Variants in SPAG16 observed in about 807,000 individuals in gnomAD.
The protein encoded by SPAG16 is sperm associated antigen 16.
Under a neutral mutation model 80.4 loss-of-function variants are expected in SPAG16, and 86 were observed. The observed-to-expected ratio is 1.07, with a 90% CI of 0.90 to 1.28. SPAG16 has a LOEUF of 1.28. SPAG16 is among the 50% of genes most tolerant of loss of function. The pLI is 0.00. For synonymous variants in SPAG16, 294 were observed against 265.9 expected, an observed-to-expected ratio of 1.11 and a Z score of -1.03; for missense variants, 870 against 765.3, an observed-to-expected ratio of 1.14 and a Z score of -1.61.
intron 10 of SPAG16, among the ~76,000 whole-genome samples, chr2:213,512,189 A>G (rs2075253482): frequency 1.3e-5 from 2 of 152,172 alleles, no homozygotes; most frequent in African/African-American, 4.8e-5. Context: ...TTAAAATTCA[A>G]TGATGAGGGA....
chr2:214,238,806 T>G (rs1689253850), intron 15 of SPAG16: 1 of 151,952 alleles, frequency 6.6e-6, no homozygotes, highest in Non-Finnish European at 1.5e-5. Flanking sequence ...TAGAAACATC[T>G]TTGTTCACTA....
intron 15 of SPAG16, among the ~76,000 whole-genome samples, chr2:214,193,035 G>A (rs1039687041): frequency 6.6e-6 from 1 of 152,014 alleles, no homozygotes; most frequent in Non-Finnish European, 1.5e-5. Flanking sequence ...AAGGACCTCT[G>A]CTACATGATC....
At chr2:213,914,776 G>A (rs1255703615) in intron 11 of SPAG16, among the ~76,000 whole-genome samples, 4 of 152,144 alleles carry the variant, frequency 2.6e-5, no homozygotes, top group African/African-American at 9.7e-5. Flanking sequence ...TTGGCCACAT[G>A]TATGTCTTCT....
intron 9 of SPAG16, among the ~76,000 whole-genome samples, chr2:213,459,982 T>C (rs1486301169): frequency 6.6e-6 from 1 of 152,174 alleles, no homozygotes; most frequent in Non-Finnish European, 1.5e-5. Context: ...CAGTATATTA[T>C]TGTTGAAAAA....
intron 15 of SPAG16, among the ~76,000 whole-genome samples, chr2:214,174,659 C>T (rs1369391096): frequency 2.0e-5 from 3 of 151,680 alleles, no homozygotes; most frequent in African/African-American, 7.2e-5. Flanking sequence ...TTCTCACTCA[C>T]ATCAATCCAA....
At chr2:214,110,284 C>A (rs1394534503) in intron 14 of SPAG16, among the ~76,000 whole-genome samples, 1 of 151,762 alleles carries the variant, frequency 6.6e-6, no homozygotes, top group Non-Finnish European at 1.5e-5. Context: ...TGCTATCCCT[C>A]CCCCAGCCCC....
At chr2:214,196,170 A>G (rs759773131) in intron 15 of SPAG16, among the ~76,000 whole-genome samples, 5 of 152,074 alleles carry the variant, frequency 3.3e-5, no homozygotes, top group Non-Finnish European at 7.4e-5. Context: ...AGGTGGAGAT[A>G]TAGGACAGAA....
At chr2:214,165,786 A>G (rs900698441) in intron 15 of SPAG16, among the ~76,000 whole-genome samples, 1 of 152,016 alleles carries the variant, frequency 6.6e-6, no homozygotes, top group African/African-American at 2.4e-5. Flanking sequence ...CCAGATTAGC[A>G]TACTGCTCCA....
At chr2:213,870,506 T>G (rs1453092134) in intron 11 of SPAG16, among the ~76,000 whole-genome samples, 1 of 152,240 alleles carries the variant, frequency 6.6e-6, no homozygotes, top group East Asian at 1.9e-4. Flanking sequence ...AAGATGCGAC[T>G]TTTAAAATCA....
At chr2:213,826,252 C>A (rs2073293402) in intron 10 of SPAG16, among the ~76,000 whole-genome samples, 1 of 150,712 alleles carries the variant, frequency 6.6e-6, no homozygotes, top group Non-Finnish European at 1.5e-5. Context: ...TCATTTATTT[C>A]TTCTATGATC....
chr2:214,380,422 A>G (rs1038014377), intron 15 of SPAG16, among the ~76,000 whole-genome samples: 2 of 152,190 alleles, frequency 1.3e-5, no homozygotes, highest in East Asian at 3.9e-4. Flanking sequence ...GTCCTGTGTG[A>G]TTGCTTCTGC....
At chr2:213,316,178 C>T (rs989463784) in intron 4 of SPAG16, among the ~76,000 whole-genome samples, 4 of 151,956 alleles carry the variant, frequency 2.6e-5, no homozygotes, top group African/African-American at 9.7e-5. Flanking sequence ...TTACTCCAGC[C>T]ACTCTGCTCC....
At chr2:214,008,965 G>C (rs896122025) in intron 12 of SPAG16, among the ~76,000 whole-genome samples, 1 of 152,040 alleles carries the variant, frequency 6.6e-6, no homozygotes, top group East Asian at 1.9e-4. Context: ...CCCTATAGTG[G>C]AGCCTTTCTT....
intron 10 of SPAG16, among the ~76,000 whole-genome samples, chr2:213,710,566 G>A (rs1378450648): frequency 1.3e-5 from 2 of 152,140 alleles, no homozygotes; most frequent in East Asian, 1.9e-4. Flanking sequence ...TGTTAGTGTG[G>A]CGACTCTGAA....
At position 214,168,721 on chromosome 2, in the gene SPAG16, T is replaced by A. The variant is rs566878257; in HGVS notation, c.1720+19455T>A. Among the ~76,000 whole-genome samples the A allele has an allele frequency of 5.9e-5, 9 of 152,170 alleles. No homozygotes were observed. The South Asian group carries it at 1.9e-3, about 32-fold the overall frequency. On this transcript the variant is annotated intron_variant, in intron 15 of 15. Transcript: ENST00000331683. ...GGAGGCAGACCATTAGTTAAAAAAA[T>A]GTTGCAGAGGTCCACGTGATTAGAG...
intron 10 of SPAG16, among the ~76,000 whole-genome samples, chr2:213,794,586 A>T (rs2070907234): frequency 6.6e-6 from 1 of 152,070 alleles, no homozygotes; most frequent in Admixed American, 6.6e-5. Flanking sequence ...AGATATTGAG[A>T]TGGGGACAAA....
chr2:213,940,389 C>G (rs940103167), intron 12 of SPAG16, among the ~76,000 whole-genome samples: 1 of 152,134 alleles, frequency 6.6e-6, no homozygotes, highest in Non-Finnish European at 1.5e-5. Flanking sequence ...TGGTCTCAAG[C>G]AATCCTCCTG....
At chr2:214,052,026 C>T in intron 13 of SPAG16, among the ~76,000 whole-genome samples, 1 of 152,068 alleles carries the variant, frequency 6.6e-6, no homozygotes, top group Non-Finnish European at 1.5e-5. Flanking sequence ...ATAGAAAATA[C>T]TTGTATCATA....
At chr2:213,305,917 G>A (rs1161174658) in intron 3 of SPAG16, among the ~76,000 whole-genome samples, 3 of 152,096 alleles carry the variant, frequency 2.0e-5, no homozygotes, top group African/African-American at 7.2e-5. Flanking sequence ...GAGTAGGGTT[G>A]GAATTAGTTC....
Sources: gnomAD v4.1 joint callset for allele counts (sites outside exome capture counted in the v4.1 genomes callset) on GRCh38, gnomAD v4.1.1 for gene constraint, MANE v1.5 for transcripts, NCBI Gene and HGNC (gene_info 2026-07-23, HGNC 2026-07-21) for gene names.